CSMD1: variants seen among roughly 807,000 people sequenced by gnomAD.
CSMD1 encodes CUB and Sushi multiple domains 1.
In CSMD1, 213 loss-of-function variants were observed where a neutral mutation model predicts 417.5. The ratio of observed to expected loss-of-function variants is 0.51; its 90% CI spans 0.46 to 0.57. The LOEUF (loss-of-function observed/expected upper bound fraction) is 0.57. CSMD1 is among the 20% of genes least tolerant of loss of function. The probability of loss-of-function intolerance (pLI) is 0.00; values close to 1 mark genes in which losing one functional copy is unlikely to be tolerated. For missense variants in CSMD1, 6,923 were observed against 4,529.7 expected, an observed-to-expected ratio of 1.53 and a Z score of -15.17; for synonymous variants, 2,862 against 1,736.8, an observed-to-expected ratio of 1.65 and a Z score of -16.11.
intron 2 of CSMD1, among the ~76,000 whole-genome samples, chr8:4,634,989 C>G (rs953829203): frequency 2.6e-5 from 4 of 152,242 alleles, no homozygotes; most frequent in East Asian, 3.9e-4. Context: ...AAATGGCATT[C>G]TACGTATGCG....
chr8:3,187,186 T>C (rs538321332), intron 36 of CSMD1, among the ~76,000 whole-genome samples: 2 of 152,230 alleles, frequency 1.3e-5, no homozygotes, highest in East Asian at 3.9e-4. Context: ...GCTCATGAAG[T>C]TTGAGTCCTA....
intron 4 of CSMD1, among the ~76,000 whole-genome samples, chr8:4,029,060 A>G (rs1585162956): frequency 6.6e-6 from 1 of 152,214 alleles, no homozygotes. Flanking sequence ...GAGAAGACTG[A>G]CAGTGTTGAA....
intron 2 of CSMD1, among the ~76,000 whole-genome samples, chr8:4,454,253 C>T (rs962924233): frequency 1.3e-5 from 2 of 152,134 alleles, no homozygotes; most frequent in Non-Finnish European, 2.9e-5. Context: ...CAGTGCTTAC[C>T]GCCTCTCACT....
chr8:3,414,082 T>C (rs774001033), intron 12 of CSMD1, among the ~76,000 whole-genome samples: 8 of 146,168 alleles, frequency 5.5e-5, no homozygotes, highest in Non-Finnish European at 1.0e-4. Context: ...GACGTTGCAG[T>C]GAGCCAAGAT....
At chr8:4,455,789 G>T (rs189441980) in intron 2 of CSMD1, among the ~76,000 whole-genome samples, 6 of 151,240 alleles carry the variant, frequency 4.0e-5, no homozygotes, top group African/African-American at 1.2e-4. Flanking sequence ...AAATTCGCTG[G>T]ATGTGGTGGC....
At chr8:3,636,702 A>G (rs1336498698) in intron 7 of CSMD1, among the ~76,000 whole-genome samples, 1 of 152,240 alleles carries the variant, frequency 6.6e-6, no homozygotes, top group African/African-American at 2.4e-5. Flanking sequence ...GCCTGGAGCC[A>G]CGCTCTTGTG....
At chr8:3,624,452 C>G (rs138131710) in intron 7 of CSMD1, among the ~76,000 whole-genome samples, 80 of 152,284 alleles carry the variant, frequency 5.3e-4, no homozygotes, top group African/African-American at 1.6e-3. Flanking sequence ...TAAACTCACA[C>G]TTTTTAGCAC....
chr8:4,454,932 G>C (rs902392281), intron 2 of CSMD1, among the ~76,000 whole-genome samples: 1 of 152,082 alleles, frequency 6.6e-6, no homozygotes, highest in Admixed American at 6.5e-5. Context: ...TCTCACTCCA[G>C]ACTCATGACG....
rs566919165 is a variant in CSMD1, at chr8:3,948,294, T to C, written c.818+49609A>G. Among the ~76,000 whole-genome samples, 5 of 152,208 alleles carry C rather than the reference T, an allele frequency of 3.3e-5. No individual in the cohort carries two copies. The East Asian group carries it at 7.7e-4, about 24-fold the overall frequency. On this transcript the variant is annotated intron_variant, in intron 5 of 69. Coordinates refer to ENST00000635120, the MANE Select transcript of CSMD1 (RefSeq NM_033225.6). ...GTTAAAAAATAAAAACAAAAAGTCA[T>C]GTTAGTCTGCATTTGAAGAGTATAA... is the stretch of plus-strand genomic sequence containing the variant.
At chr8:4,554,221 A>G (rs969397638) in intron 2 of CSMD1, among the ~76,000 whole-genome samples, 1 of 151,990 alleles carries the variant, frequency 6.6e-6, no homozygotes, top group Non-Finnish European at 1.5e-5. Flanking sequence ...ACTGCAACCT[A>G]TGCTTCCCGG....
At chr8:3,168,308 T>G (rs1245479898) in intron 37 of CSMD1, among the ~76,000 whole-genome samples, 1 of 152,204 alleles carries the variant, frequency 6.6e-6, no homozygotes, top group Non-Finnish European at 1.5e-5. Context: ...GTGTTTATTG[T>G]AATTGACTAC....
At chr8:4,001,659 T>A (rs887173911) in intron 4 of CSMD1, among the ~76,000 whole-genome samples, 21 of 152,144 alleles carry the variant, frequency 1.4e-4, no homozygotes, top group Admixed American at 1.4e-3. Flanking sequence ...AGACACTTAC[T>A]ATCTACATTT....
intron 3 of CSMD1, among the ~76,000 whole-genome samples, chr8:4,142,749 A>C (rs34114534): frequency 0.3 from 45,188 of 150,674 alleles, 8,400 homozygotes; most frequent in Non-Finnish European, 0.39. Flanking sequence ...ATTACATTGA[A>C]CTTGCCAATC....
intron 1 of CSMD1, among the ~76,000 whole-genome samples, chr8:4,764,442 G>A (rs1812311722): frequency 6.6e-6 from 1 of 152,076 alleles, no homozygotes; most frequent in African/African-American, 2.4e-5. Flanking sequence ...ACAAATTGAA[G>A]ATAATTTTAC....
chr8:3,537,055 G>A (rs1001014143), intron 10 of CSMD1, among the ~76,000 whole-genome samples: 3 of 151,924 alleles, frequency 2.0e-5, no homozygotes, highest in African/African-American at 7.3e-5. Flanking sequence ...CCGGGCTGGA[G>A]TGCAGTGGCA....
intron 20 of CSMD1, among the ~76,000 whole-genome samples, chr8:3,365,437 T>G (rs1212791825): frequency 6.6e-6 from 1 of 152,210 alleles, no homozygotes; most frequent in East Asian, 1.9e-4. Context: ...ATGCACTAGT[T>G]AGTAGGCAAT....
At chr8:4,178,958 C>G (rs1798203774) in intron 3 of CSMD1, among the ~76,000 whole-genome samples, 1 of 152,140 alleles carries the variant, frequency 6.6e-6, no homozygotes, top group Non-Finnish European at 1.5e-5. Context: ...ACATTCCATG[C>G]TCATGGGTAG....
intron 10 of CSMD1, among the ~76,000 whole-genome samples, chr8:3,551,854 T>A (rs1264807644): frequency 2.0e-5 from 3 of 152,124 alleles, no homozygotes; most frequent in African/African-American, 7.2e-5. Context: ...TACTGAAAGA[T>A]GAGGCTGCCA....
At chr8:3,507,714 G>C (rs1012062743) in intron 10 of CSMD1, among the ~76,000 whole-genome samples, 1 of 152,166 alleles carries the variant, frequency 6.6e-6, no homozygotes, top group East Asian at 1.9e-4. Flanking sequence ...GTATGAGATG[G>C]TATCTCACTG....
Sources: gnomAD v4.1 joint callset for allele counts (sites outside exome capture counted in the v4.1 genomes callset) on GRCh38, gnomAD v4.1.1 for gene constraint, MANE v1.5 for transcripts, NCBI Gene and HGNC (gene_info 2026-07-23, HGNC 2026-07-21) for gene names.